Variants in AIDA observed in about 807,000 individuals in gnomAD.
The protein encoded by AIDA is axin interactor, dorsalization associated, also known as axin interactor, dorsalization-associated protein.
AIDA carries 18 observed loss-of-function variants against 42.7 expected under a neutral mutation model. The ratio of observed to expected loss-of-function variants is 0.42; its 90% confidence interval spans 0.29 to 0.63. The LOEUF (loss-of-function observed/expected upper bound fraction) is 0.63. Ranked by LOEUF, AIDA falls within the 20% of genes least tolerant of loss-of-function variation. The pLI, the probability that AIDA is intolerant of heterozygous loss-of-function variation, is 0.19. For missense variants in AIDA, 250 were observed against 354.1 expected, an observed-to-expected ratio of 0.71 and a Z score of 2.36; for synonymous variants, 104 against 122.9, an observed-to-expected ratio of 0.85 and a Z score of 1.02.
chr1:222,685,413 T>C (rs1664726843), intron 6 of AIDA, among the ~76,000 whole-genome samples: 1 of 152,222 alleles, frequency 6.6e-6, no homozygotes, highest in Non-Finnish European at 1.5e-5. Flanking sequence ...AGCCCAGTTA[T>C]CTGTTGGTCC....
intron 6 of AIDA, among the ~76,000 whole-genome samples, chr1:222,678,149 T>G (rs954993172): frequency 6.6e-6 from 1 of 151,996 alleles, no homozygotes; most frequent in Non-Finnish European, 1.5e-5. Context: ...TTTTATCATA[T>G]GTAAAGTTGA....
At position 222,693,093 on chromosome 1, in the gene AIDA, T is replaced by C. The variant is rs73124874; in HGVS notation, c.289+696A>G. 6.4e-3 allele frequency among the ~76,000 whole-genome samples: 980 copies of C among 152,256 alleles called. 10 individuals are homozygous for C. Among genetic ancestry groups the C allele is most frequent in the African/African-American group, 0.022 (930 of 41,546 alleles). On this transcript the variant is annotated intron_variant, in intron 4 of 9. Transcript: ENST00000340020. The stretch of plus-strand genomic sequence containing the variant: ...CAACTATATGACTCTTAAAACTCCT[T>C]TCTGTTCTAAAATGCTATGATTTTA...
Position 222,687,588 on chromosome 1 carries a change from C to A in AIDA, c.353+7G>T, listed in dbSNP as rs1258980470. 6.7e-7 allele frequency: 1 copy of A among 1,484,092 alleles called. No homozygotes were observed. 91.9% of individuals were successfully genotyped at this position (1,484,092 alleles called of 1,614,324 possible). ...AATAAGAAAACAAATATAAATGTTT[C>A]TTTTACCTTAATGGGACAGGCTGAA... On this transcript the variant is annotated splice_region_variant and intron_variant, in intron 5 of 9. Transcript: ENST00000340020.
At chr1:222,685,600 CTAAAG>C (rs1199250989) in intron 6 of AIDA, among the ~76,000 whole-genome samples, 1 of 152,058 alleles carries the variant, frequency 6.6e-6, no homozygotes, top group Non-Finnish European at 1.5e-5. Context: ...GCTATACTTC[CTAAAG>C]TAAACTAGTT....
intron 5 of AIDA, 146 bp from the exon 6 acceptor site, chr1:222,687,182 C>A (rs1227410994): frequency 1.5e-6 from 2 of 1,358,990 alleles, no homozygotes; most frequent in East Asian, 5.1e-5. Context: ...GTAATCCTAG[C>A]ACTTTTGGAG....
chr1:222,697,503 G>A (rs1345897032), intron 2 of AIDA, among the ~76,000 whole-genome samples: 2 of 151,320 alleles, frequency 1.3e-5, no homozygotes, highest in Non-Finnish European at 2.9e-5. Context: ...ACATGTGTCA[G>A]AGTATATGTA....
At chr1:222,687,830 A>C (rs1300864045) in intron 4 of AIDA, among the ~76,000 whole-genome samples, 172 bp from the exon 5 acceptor site, 1 of 152,156 alleles carries the variant, frequency 6.6e-6, no homozygotes, top group Non-Finnish European at 1.5e-5. Context: ...AGTCTTAGCA[A>C]AATTAAAATA....
At chr1:222,702,438 G>A (rs1156662647) in intron 2 of AIDA, among the ~76,000 whole-genome samples, 1 of 151,890 alleles carries the variant, frequency 6.6e-6, no homozygotes, top group Non-Finnish European at 1.5e-5. Flanking sequence ...TGAGCCAAGA[G>A]ATAATGGGAG....
chr1:222,678,812 T>C (rs1307635701), intron 6 of AIDA, among the ~76,000 whole-genome samples: 1 of 152,198 alleles, frequency 6.6e-6, no homozygotes, highest in Non-Finnish European at 1.5e-5. Flanking sequence ...AGTCAACTCC[T>C]ACACTCCCTT....
At chr1:222,698,112 A>G (rs1171531484) in intron 2 of AIDA, among the ~76,000 whole-genome samples, 1 of 152,236 alleles carries the variant, frequency 6.6e-6, no homozygotes, top group Non-Finnish European at 1.5e-5. Context: ...TTATAATGAC[A>G]ACACTATCAG....
rs193294708 is a variant in AIDA at position 222,680,407 on chromosome 1, G to A, written c.461-4189C>T. Among the ~76,000 whole-genome samples the A allele has an allele frequency of 1.3e-3, 204 of 152,260 alleles. 1 individual carries two copies. The highest frequency in any genetic ancestry group is 4.7e-3 in the African/African-American group (195 of 41,530). On this transcript the variant is annotated intron_variant, in intron 6 of 9. Transcript: ENST00000340020. Reference sequence around the variant, plus strand: ...CTACTTGTAGCAAAGAAAACTGGAGGAAATTTTTCAATTCAATGTGATTTC... The same window carrying A: ...CTACTTGTAGCAAAGAAAACTGGAGAAAATTTTTCAATTCAATGTGATTTC...
chr1:222,698,907 GCTCCGC>G (rs1655599598), intron 2 of AIDA, among the ~76,000 whole-genome samples: 2 of 151,902 alleles, frequency 1.3e-5, no homozygotes, highest in Admixed American at 1.3e-4. Context: ...TTCACTGCAA[GCTCCGC>G]CTCCCAGGTT....
chr1:222,674,113 A>G (rs957807120), intron 7 of AIDA, among the ~76,000 whole-genome samples: 2 of 152,100 alleles, frequency 1.3e-5, no homozygotes, highest in African/African-American at 4.8e-5. Flanking sequence ...AAACAAAAAA[A>G]CCCTGTCAAC....
chr1:222,712,108 A>G (rs564637143), intron 1 of AIDA, 100 bp downstream of exon 1: 3 of 1,524,856 alleles, frequency 2.0e-6, no homozygotes, highest in African/African-American at 2.8e-5. Flanking sequence ...CACCCTGAGA[A>G]GCCTTGGCTG....
chr1:222,673,929 C>CA (rs990382208), intron 7 of AIDA, among the ~76,000 whole-genome samples: 9 of 151,590 alleles, frequency 5.9e-5, no homozygotes, highest in African/African-American at 1.9e-4. Flanking sequence ...ACTAAAAATA[C>CA]AAAAAAAATT....
intron 4 of AIDA, among the ~76,000 whole-genome samples, chr1:222,689,469 A>ATGTG (rs770894575): frequency 0.029 from 1,787 of 60,830 alleles, 42 homozygotes; most frequent in African/African-American, 0.055. Context: ...GAAAATATGT[A>ATGTG]TGTGTGTGTG....
chr1:222,703,057 G>T, intron 2 of AIDA, 91 bp downstream of exon 2: 1 of 1,028,628 alleles, frequency 9.7e-7, no homozygotes, highest in Non-Finnish European at 1.4e-6. Context: ...TTTTGTTTTT[G>T]TTTTGTTGTT....
intron 2 of AIDA, among the ~76,000 whole-genome samples, chr1:222,697,845 G>A (rs1179364669): frequency 6.6e-6 from 1 of 151,814 alleles, no homozygotes; most frequent in Admixed American, 6.6e-5. Context: ...TGGAGGTGGT[G>A]GGGGTAGAAC....
At chr1:222,701,790 C>T (rs538178990) in intron 2 of AIDA, among the ~76,000 whole-genome samples, 266 of 152,300 alleles carry the variant, frequency 1.7e-3, no homozygotes, top group African/African-American at 6.2e-3. Flanking sequence ...GTGGTGCTAT[C>T]TCAGCTCACT....
Sources: allele counts gnomAD v4.1 joint callset (sites outside exome capture counted in the v4.1 genomes callset), GRCh38; gene constraint gnomAD v4.1.1; transcripts MANE v1.5; gene names NCBI Gene and HGNC (gene_info 2026-07-23, HGNC 2026-07-21).